The following ZCCHC9 variants were observed in gnomAD, a reference collection of about 807,000 sequenced individuals.
The protein encoded by ZCCHC9 is zinc finger CCHC-type containing 9, also known as zinc finger CCHC domain-containing protein 9.
In ZCCHC9, 18 loss-of-function variants were observed where a neutral mutation model predicts 30.8. The ratio of observed to expected loss-of-function variants is 0.58; its 90% CI spans 0.40 to 0.87. ZCCHC9 has a LOEUF of 0.87. Ranked by LOEUF, ZCCHC9 falls within the 40% of genes least tolerant of loss-of-function variation. The pLI, the probability that ZCCHC9 is intolerant of heterozygous loss-of-function variation, is 0.00. For synonymous variants in ZCCHC9, 94 were observed against 106.7 expected, an observed-to-expected ratio of 0.88 and a Z score of 0.73; for missense variants, 279 against 331.2, an observed-to-expected ratio of 0.84 and a Z score of 1.22.
At chr5:81,305,521 G>A (rs1448669906) in intron 2 of ZCCHC9, among the ~76,000 whole-genome samples, 2 of 151,704 alleles carry the variant, frequency 1.3e-5, no homozygotes, top group African/African-American at 4.9e-5. Flanking sequence ...ACTTTAGGAA[G>A]CTGAGGCGGG....
chr5:81,310,093 C>G (rs1485481446), intron 4 of ZCCHC9, among the ~76,000 whole-genome samples: 1 of 142,030 alleles, frequency 7.0e-6, no homozygotes, highest in Non-Finnish European at 1.5e-5. Context: ...GCTTATAAAA[C>G]TGGGTAGATA....
chr5:81,301,730 C>G (rs1561303078), intron 1 of ZCCHC9, 32 bp downstream of exon 1: 1 of 152,642 alleles, frequency 6.6e-6, no homozygotes, highest in East Asian at 1.9e-4. Flanking sequence ...GCTGCAGGGT[C>G]TCGTCGTTCG....
intron 1 of ZCCHC9, chr5:81,302,862 G>A (rs1485762981): frequency 6.6e-6 from 1 of 152,054 alleles, no homozygotes; most frequent in African/African-American, 2.4e-5. Flanking sequence ...ATTATTTAGG[G>A]TATTACTGTA....
intron 2 of ZCCHC9, among the ~76,000 whole-genome samples, chr5:81,306,014 C>G (rs930058853): frequency 7.2e-5 from 11 of 152,144 alleles, no homozygotes; most frequent in Admixed American, 7.2e-4. Flanking sequence ...TTCCTCCCTC[C>G]CCCATATTAC....
At chr5:81,308,773 G>C in intron 3 of ZCCHC9, 62 bp downstream of exon 3, 1 of 1,551,076 alleles carries the variant, frequency 6.4e-7, no homozygotes, top group Non-Finnish European at 8.7e-7. Flanking sequence ...AGCACCTTGG[G>C]TATTTTTTTA....
rs866157796 is a variant in ZCCHC9, at chr5:81,309,106, C to G, written c.628+68C>G. On this transcript the variant is annotated intron_variant, in intron 4 of 5. Transcript: ENST00000407610. ...GTGCAGTTGTGATTTAATTTACACT[C>G]AATCACAGTTCTTGAATAAATTCTT... 9.6e-6 allele frequency: 11 copies of G among 1,140,552 alleles called. No homozygotes were observed. In the Admixed American group the frequency reaches 2.0e-4, roughly 21 times the overall value. The allele number at this position is 1,140,552 out of a possible 1,614,324, so 70.7% of individuals were successfully genotyped here. A position where few individuals can be genotyped will look rare whatever the true frequency, so the allele number is the denominator to read the frequency against.
chr5:81,309,619 T>C (rs1397378639), intron 4 of ZCCHC9, among the ~76,000 whole-genome samples: 1 of 152,250 alleles, frequency 6.6e-6, no homozygotes, highest in Non-Finnish European at 1.5e-5. Flanking sequence ...TAGACGTTTC[T>C]TGTGTCATGT....
intron 1 of ZCCHC9, 128 bp from the exon 2 acceptor site, chr5:81,304,613 A>G: frequency 1.4e-6 from 1 of 702,462 alleles, no homozygotes; most frequent in South Asian, 2.9e-5. Context: ...TGAAATAAAA[A>G]GTGTTTTAAT....
chr5:81,311,774 C>T (rs1758296135), intron 5 of ZCCHC9, among the ~76,000 whole-genome samples: 1 of 152,030 alleles, frequency 6.6e-6, no homozygotes, highest in Non-Finnish European at 1.5e-5. Context: ...GATGAAATAC[C>T]AGCCTTATTC....
In ZCCHC9 at chr5:81,301,657, G is replaced by A. The variant is rs1478237112; in HGVS notation, c.-59G>A. The A allele has an allele frequency of 1.3e-5, 2 of 152,488 alleles. No individual in the cohort carries two copies. Among genetic ancestry groups the A allele is most frequent in the Non-Finnish European group, 2.9e-5 (2 of 68,288 alleles). 9.4% of individuals were successfully genotyped at this position (152,488 alleles called of 1,614,324 possible). ...CGGCTCGCCAACTCGGCTGCTCTGGGGGATTCGTGCGCGGTAAGAAGCTGC... is the reference window on the plus strand; with the variant it reads ...CGGCTCGCCAACTCGGCTGCTCTGGAGGATTCGTGCGCGGTAAGAAGCTGC... On this transcript the variant is annotated 5_prime_UTR_variant, in exon 1 of 6. Coordinates refer to ENST00000407610, the MANE Select transcript of ZCCHC9 (RefSeq NM_001131035.2).
intron 2 of ZCCHC9, among the ~76,000 whole-genome samples, chr5:81,308,022 A>AAAAAATCTATCT (rs34237879): frequency 4.4e-5 from 3 of 68,344 alleles, no homozygotes; most frequent in African/African-American, 1.1e-4. Flanking sequence ...AAAAAAAAAA[A>AAAAAATCTATCT]ATCTATCTAT....
At chr5:81,311,403 G>A (rs1343411760) in intron 5 of ZCCHC9, 124 bp downstream of exon 5, 2 of 997,668 alleles carry the variant, frequency 2.0e-6, no homozygotes, top group East Asian at 2.4e-5. Flanking sequence ...TTTTCCTACT[G>A]TAGCAATGAC....
At chr5:81,308,857 AT>A in intron 3 of ZCCHC9, 88 bp from the exon 4 acceptor site, 2 of 1,391,002 alleles carry the variant, frequency 1.4e-6, no homozygotes, top group Non-Finnish European at 1.9e-6. Context: ...ATGTAAATAT[AT>A]TTTTTATTCA....
intron 4 of ZCCHC9, among the ~76,000 whole-genome samples, chr5:81,310,671 G>A (rs945804547): frequency 9.9e-5 from 15 of 152,128 alleles, no homozygotes; most frequent in African/African-American, 2.9e-4. Context: ...TAGGCAGGTG[G>A]GCATTTTTAT....
intron 4 of ZCCHC9, among the ~76,000 whole-genome samples, chr5:81,310,157 T>TAAAAAAAAAAAAAAAAAAAAAAAA (rs71000814): frequency 1.0e-4 from 11 of 104,772 alleles, no homozygotes; most frequent in African/African-American, 3.6e-4. Flanking sequence ...TGACTAGCTG[T>TAAAAAAAAAAAAAAAAAAAAAAAA]AAAAAAAAAA....
intron 4 of ZCCHC9, among the ~76,000 whole-genome samples, chr5:81,310,567 T>C (rs953452251): frequency 6.6e-6 from 1 of 152,232 alleles, no homozygotes; most frequent in Non-Finnish European, 1.5e-5. Context: ...AGATAATGCT[T>C]GACCATTAAG....
chr5:81,305,289 A>T (rs774095791), intron 2 of ZCCHC9, 148 bp downstream of exon 2: 1 of 1,064,744 alleles, frequency 9.4e-7, no homozygotes, highest in Non-Finnish European at 1.3e-6. Flanking sequence ...CTTTTTTAGC[A>T]CATATATGCT....
In ZCCHC9 at chr5:81,313,141, A is replaced by G. The variant is rs1267593782; in HGVS notation, c.*479A>G. ...ATAAAAATATGTTTTCTATTAAGCA[A>G]TAGAAATATTTTTGTGTATAATTTT... is the stretch of plus-strand genomic sequence containing the variant. On this transcript the variant is annotated 3_prime_UTR_variant, in exon 6 of 6. Coordinates refer to ENST00000407610, the MANE Select transcript of ZCCHC9 (RefSeq NM_001131035.2). 1.3e-5 allele frequency: 2 copies of G among 152,284 alleles called. No individual in the cohort carries two copies. Among genetic ancestry groups the G allele is most frequent in the Non-Finnish European group, 2.9e-5 (2 of 68,086 alleles). The allele number at this position is 152,284 out of a possible 1,614,324, so 9.4% of individuals were successfully genotyped here. A position where few individuals can be genotyped will look rare whatever the true frequency, so the allele number is the denominator to read the frequency against.
chr5:81,312,818 A>C lies in ZCCHC9; in HGVS notation c.*156A>C. 1.9e-6 allele frequency: 1 copy of C among 540,016 alleles called. No homozygotes were observed. The allele number at this position is 540,016 out of a possible 1,614,324, so 33.5% of individuals were successfully genotyped here. On this transcript the variant is annotated 3_prime_UTR_variant, in exon 6 of 6. Coordinates refer to ENST00000407610, the MANE Select transcript of ZCCHC9 (RefSeq NM_001131035.2). The stretch of plus-strand genomic sequence containing the variant: ...AAAAACAATTTTCTTTATTCTGTCT[A>C]TCAAATAGTACTTCTACCACTGTTT...
Sources: gnomAD v4.1 joint callset for allele counts (sites outside exome capture counted in the v4.1 genomes callset) on GRCh38, gnomAD v4.1.1 for gene constraint, MANE v1.5 for transcripts, NCBI Gene and HGNC (gene_info 2026-07-23, HGNC 2026-07-21) for gene names.